The following DENND2D variants were observed in gnomAD, a reference collection of about 807,000 sequenced individuals.
The protein encoded by DENND2D is DENN domain-containing protein 2D.
Under a neutral mutation model 59.8 loss-of-function variants are expected in DENND2D, and 37 were observed. That is an observed-to-expected ratio of 0.62 (90% CI 0.48 to 0.81). The LOEUF is 0.81. DENND2D is among the 40% of genes least tolerant of loss of function. DENND2D has a pLI of 0.00. For synonymous variants in DENND2D, 219 were observed against 211.3 expected, an observed-to-expected ratio of 1.04 and a Z score of -0.31; for missense variants, 525 against 579.7, an observed-to-expected ratio of 0.91 and a Z score of 0.97.
intron 8 of DENND2D, among the ~76,000 whole-genome samples, chr1:111,191,437 A>G (rs947428505): frequency 2.0e-5 from 3 of 152,176 alleles, no homozygotes; most frequent in African/African-American, 4.8e-5. Context: ...GTAACATACT[A>G]TCTTTTGAAA....
At chr1:111,195,782 TA>T in intron 6 of DENND2D, 133 bp downstream of exon 6, 1 of 1,314,906 alleles carries the variant, frequency 7.6e-7, no homozygotes, top group Non-Finnish European at 1.1e-6. Context: ...TTGTCCATTC[TA>T]ACCAAGTCCC....
rs1023090082 is a variant in DENND2D, at chr1:111,194,822, C to T, written c.646-96G>A. The T allele has an allele frequency of 1.4e-5, 20 of 1,390,528 alleles. No homozygotes were observed. In the East Asian group the frequency reaches 3.2e-4, roughly 22 times the overall value. The allele number at this position is 1,390,528 out of a possible 1,614,324, so 86.1% of individuals were successfully genotyped here. On this transcript the variant is annotated intron_variant, in intron 6 of 11. Coordinates refer to ENST00000357640, the MANE Select transcript of DENND2D (RefSeq NM_024901.5). ...CTCTACCAGCCTCTATTCCTTCTGC[C>T]CCCAGGAGTGAATCTGGCCCTGTCT...
upstream of DENND2D, chr1:111,204,317 T>C (rs1388271374): frequency 1.3e-5 from 20 of 1,482,126 alleles, no homozygotes; most frequent in Non-Finnish European, 1.7e-5. Flanking sequence ...CGCTTCAGTC[T>C]CAGGCTGGCT....
chr1:111,200,629 G>A lies in DENND2D; in HGVS notation c.-170C>T. The A allele has an allele frequency of 2.1e-6, 3 of 1,414,466 alleles. No homozygotes were observed. Among genetic ancestry groups the A allele is most frequent in the Non-Finnish European group, 2.8e-6 (3 of 1,073,014 alleles). The allele number at this position is 1,414,466 out of a possible 1,614,324, so 87.6% of individuals were successfully genotyped here. A position where few individuals can be genotyped will look rare whatever the true frequency, so the allele number is the denominator to read the frequency against. On this transcript the variant is annotated 5_prime_UTR_variant, in exon 1 of 12. Coordinates refer to ENST00000357640, the MANE Select transcript of DENND2D (RefSeq NM_024901.5). ...AAGTTTCCATCCTGTGCACCCAGTGGTTGAGCAAGAAGGATGTGACGGGAC... is the reference window on the plus strand; with the variant it reads ...AAGTTTCCATCCTGTGCACCCAGTGATTGAGCAAGAAGGATGTGACGGGAC...
rs140807962 is a variant in DENND2D at position 111,190,450 on chromosome 1, A to G, written c.973-1197T>C. Among the ~76,000 whole-genome samples the G allele has an allele frequency of 4.9e-4, 75 of 152,314 alleles. 1 individual carries two copies. Among genetic ancestry groups the G allele is most frequent in the African/African-American group, 1.7e-3 (72 of 41,566 alleles). ...GCAGATCTGTTTCTTTGATCTTCAC[A>G]GTATTTTTAAGTAATTGATTTGGTT... On this transcript the variant is annotated intron_variant, in intron 8 of 11. Coordinates refer to ENST00000357640, the MANE Select transcript of DENND2D (RefSeq NM_024901.5).
intron 7 of DENND2D, 34 bp from the exon 8 acceptor site, chr1:111,192,351 G>T (rs1371968831): frequency 6.6e-7 from 1 of 1,526,090 alleles, no homozygotes; most frequent in East Asian, 2.3e-5. Context: ...GAGTCAGGGG[G>T]CCCCTGCACC....
At chr1:111,196,344 A>C in intron 5 of DENND2D, 3 of 232,540 alleles carry the variant, frequency 1.3e-5, no homozygotes, top group Non-Finnish European at 2.5e-5. Context: ...ACCAACATAA[A>C]AGCACCTCCC....
intron 8 of DENND2D, 30 bp from the exon 9 acceptor site, chr1:111,189,283 G>T: frequency 6.2e-7 from 1 of 1,613,580 alleles, no homozygotes; most frequent in Non-Finnish European, 8.5e-7. Flanking sequence ...GCTTTCTCTG[G>T]TCCTCTTTCT....
intron 6 of DENND2D, chr1:111,195,699 T>C: frequency 1.8e-6 from 1 of 566,622 alleles, no homozygotes; most frequent in Non-Finnish European, 3.1e-6. Flanking sequence ...AAAGTCTTGG[T>C]GGCTTGAGCA....
rs1167473010 is a variant in DENND2D at position 111,189,200 on chromosome 1, C to T, written c.1014+12G>A. Reference sequence around the variant, plus strand: ...TGATAGGCCTGCAGGGGATCTGAACCCAGACACTTACCGACATTAAGAAGG... The same window carrying T: ...TGATAGGCCTGCAGGGGATCTGAACTCAGACACTTACCGACATTAAGAAGG... On this transcript the variant is annotated intron_variant, in intron 9 of 11. Transcript: ENST00000357640. 3.1e-6 allele frequency: 5 copies of T among 1,613,948 alleles called. No homozygotes were observed. Among genetic ancestry groups the T allele is most frequent in the African/African-American group, 2.7e-5 (2 of 74,884 alleles).
In DENND2D at chr1:111,200,566, G is replaced by A; in HGVS notation, c.-107C>T. 2.0e-6 allele frequency: 3 copies of A among 1,519,568 alleles called. No individual in the cohort carries two copies. The highest frequency in any genetic ancestry group is 2.7e-6 in the Non-Finnish European group (3 of 1,128,020). 94.1% of individuals were successfully genotyped at this position (1,519,568 alleles called of 1,614,324 possible). Reference sequence around the variant, plus strand: ...CTTCGGTCTCCAGCCACAACTCTGTGAAGCCAAGCCACGCGCTGTCTTCCA... The same window carrying A: ...CTTCGGTCTCCAGCCACAACTCTGTAAAGCCAAGCCACGCGCTGTCTTCCA... On this transcript the variant is annotated 5_prime_UTR_variant, in exon 1 of 12. Coordinates refer to ENST00000357640, the MANE Select transcript of DENND2D (RefSeq NM_024901.5).
upstream of DENND2D, chr1:111,200,824 G>A: frequency 3.0e-6 from 2 of 666,396 alleles, no homozygotes; most frequent in Non-Finnish European, 4.2e-6. Flanking sequence ...TAAGGGTTTT[G>A]AATCTGGGCT....
rs1657260293 is a variant in DENND2D at position 111,186,546 on chromosome 1, T to C, written c.*1059A>G. 6.6e-6 allele frequency among the ~76,000 whole-genome samples: 1 copy of C among 152,132 alleles called. No individual in the cohort carries two copies. The highest frequency in any genetic ancestry group is 2.4e-5 in the African/African-American group (1 of 41,432). On this transcript the variant is annotated 3_prime_UTR_variant, in exon 12 of 12. Transcript: ENST00000357640. ...AAGGTAGAATTTTTGAAGATAAGAT[T>C]CTTCTAAAAAAGCTTCCCAATGCTT...
chr1:111,188,602 T>C, intron 10 of DENND2D, 100 bp downstream of exon 10: 1 of 1,268,618 alleles, frequency 7.9e-7, no homozygotes, highest in Non-Finnish European at 1.1e-6. Context: ...AGGGCTGGTC[T>C]AGGACTACTG....
intron 8 of DENND2D, 110 bp from the exon 9 acceptor site, chr1:111,189,363 C>CA (rs1171884795): frequency 9.1e-7 from 1 of 1,097,526 alleles, no homozygotes; most frequent in African/African-American, 1.6e-5. Flanking sequence ...CAGGTAGCAA[C>CA]AAAATCAATA....
At chr1:111,197,879 C>G (rs749972649) in intron 4 of DENND2D, 41 bp downstream of exon 4, 1 of 1,612,518 alleles carries the variant, frequency 6.2e-7, no homozygotes, top group South Asian at 1.1e-5. Context: ...TGGAGCTGAG[C>G]AGACTGCAGA....
At position 111,188,117 on chromosome 1, in the gene DENND2D, G is replaced by A. The variant is rs115138346; in HGVS notation, c.1339+14C>T. The stretch of plus-strand genomic sequence containing the variant: ...CCCTCTATGGGCTTAGACTGATGGG[G>A]ACTGTTACTGTACCTGCAGGAGGAT... On this transcript the variant is annotated intron_variant, in intron 11 of 11. Coordinates refer to ENST00000357640, the MANE Select transcript of DENND2D (RefSeq NM_024901.5). 10 of 1,614,036 alleles carry A rather than the reference G, an allele frequency of 6.2e-6. No homozygotes were observed. The Admixed American group carries it at 1.2e-4, about 19-fold the overall frequency.
intron 8 of DENND2D, among the ~76,000 whole-genome samples, chr1:111,191,034 G>C (rs1657719862): frequency 6.6e-6 from 1 of 152,230 alleles, no homozygotes; most frequent in Admixed American, 6.5e-5. Context: ...CTGGCCATCA[G>C]GAGAGGAGCC....
At chr1:111,194,769 A>G (rs1658065074) in intron 6 of DENND2D, 43 bp from the exon 7 acceptor site, 1 of 1,606,534 alleles carries the variant, frequency 6.2e-7, no homozygotes, top group Admixed American at 1.7e-5. Context: ...CTATACTGCA[A>G]GATCATGCAG....
Sources: allele counts gnomAD v4.1 joint callset (sites outside exome capture counted in the v4.1 genomes callset), GRCh38; gene constraint gnomAD v4.1.1; transcripts MANE v1.5; gene names NCBI Gene and HGNC (gene_info 2026-07-23, HGNC 2026-07-21).